The following DLGAP2 variants were observed in gnomAD, a reference collection of about 807,000 sequenced individuals.
DLGAP2 encodes disks large-associated protein 2.
Under a neutral mutation model 100.3 loss-of-function variants are expected in DLGAP2, and 26 were observed. The ratio of observed to expected loss-of-function variants is 0.26; its 90% CI spans 0.19 to 0.36. The LOEUF (loss-of-function observed/expected upper bound fraction) is 0.36, where lower values mean the gene tolerates loss of function less well. DLGAP2 is among the 10% of genes least tolerant of loss of function. The probability of loss-of-function intolerance (pLI) is 1.00; values close to 1 mark genes in which losing one functional copy is unlikely to be tolerated. For synonymous variants in DLGAP2, 886 were observed against 630.1 expected (o/e 1.41, Z -6.08); for missense variants, 1,858 against 1,453.2 (o/e 1.28, Z -4.53).
intron 2 of DLGAP2, among the ~76,000 whole-genome samples, chr8:1,143,907 T>C (rs1405302696): frequency 6.6e-6 from 1 of 152,186 alleles, no homozygotes; most frequent in African/African-American, 2.4e-5. Context: ...GCTAGCAACA[T>C]AACAGAGGAC....
At position 1,010,417 on chromosome 8, in the gene DLGAP2, CAT is replaced by C. The variant is rs373785051; in HGVS notation, c.73+102452_73+102453del. On this transcript the variant is annotated intron_variant, in intron 2 of 14. Coordinates refer to ENST00000637795, the MANE Select transcript of DLGAP2 (RefSeq NM_001346810.2). The stretch of plus-strand genomic sequence containing the variant: ...TCACAGTTTTATACACACATACACA[CAT>C]GTGCCCACATATGCACACACATACT... Among the ~76,000 whole-genome samples the C allele has an allele frequency of 6.0e-4, 91 of 152,334 alleles. 1 individual carries two copies. Among genetic ancestry groups the C allele is most frequent in the Middle Eastern group, 3.4e-3 (1 of 294 alleles).
chr8:1,660,630 C>T (rs1013705386), intron 8 of DLGAP2, among the ~76,000 whole-genome samples: 1 of 152,178 alleles, frequency 6.6e-6, no homozygotes, highest in African/African-American at 2.4e-5. Context: ...CGCTACAGGT[C>T]AGTTATTTCT....
At chr8:1,484,237 T>C (rs1799181904) in intron 3 of DLGAP2, among the ~76,000 whole-genome samples, 1 of 152,264 alleles carries the variant, frequency 6.6e-6, no homozygotes, top group Non-Finnish European at 1.5e-5. Context: ...GCCACAGCTC[T>C]CAGCTTTGCA....
chr8:1,341,585 C>G (rs1021398297), intron 3 of DLGAP2, among the ~76,000 whole-genome samples: 1 of 152,174 alleles, frequency 6.6e-6, no homozygotes, highest in African/African-American at 2.4e-5. Flanking sequence ...TGGCTGACCC[C>G]GTACAAAAGT....
chr8:1,079,833 C>T (rs182650585), intron 2 of DLGAP2, among the ~76,000 whole-genome samples: 16 of 152,342 alleles, frequency 1.1e-4, no homozygotes, highest in African/African-American at 3.8e-4. Context: ...GGGTCTGAAA[C>T]GTCAGTGAGG....
In DLGAP2 at chr8:1,541,865, A is replaced by G. The variant is rs575333518; in HGVS notation, c.173-6761A>G. On this transcript the variant is annotated intron_variant, in intron 4 of 14. Coordinates refer to ENST00000637795, the MANE Select transcript of DLGAP2 (RefSeq NM_001346810.2). ...TGAAGCGAGAACAGAAACGTGTACA[A>G]TGGAATGATGGAATGTCTACTGACT... Among the ~76,000 whole-genome samples the G allele has an allele frequency of 1.3e-4, 20 of 152,364 alleles. No homozygotes were observed. The East Asian group carries it at 3.5e-3, about 26-fold the overall frequency.
chr8:910,630 CT>C, intron 2 of DLGAP2: 1 of 152,254 alleles, frequency 6.6e-6, no homozygotes, highest in South Asian at 2.1e-4. Context: ...TTGGTGACCC[CT>C]GATTGGCCTT....
intron 2 of DLGAP2, among the ~76,000 whole-genome samples, chr8:965,811 C>T (rs565852703): frequency 6.7e-6 from 1 of 150,288 alleles, no homozygotes; most frequent in African/African-American, 2.4e-5. Context: ...CTGAGTCTGA[C>T]CCCTGCGCTG....
Position 1,695,454 on chromosome 8 carries a change from G to A in DLGAP2, c.2797-1693G>A, listed in dbSNP as rs1236881211. ...ATGTCCGGCCCTACAGAAAGAGGGG[G>A]CACAGCCATGCCTGGCACTACAGAA... On this transcript the variant is annotated intron_variant, in intron 13 of 14. Transcript: ENST00000637795. Among the ~76,000 whole-genome samples the A allele has an allele frequency of 7.8e-5, 11 of 141,268 alleles. 1 individual carries two copies. Among genetic ancestry groups the A allele is most frequent in the African/African-American group, 2.6e-4 (9 of 34,234 alleles). 92.7% of individuals were successfully genotyped at this position (141,268 alleles called of 152,430 possible).
chr8:1,428,408 CT>C (rs1453629744), intron 3 of DLGAP2, among the ~76,000 whole-genome samples: 1 of 152,116 alleles, frequency 6.6e-6, no homozygotes, highest in Non-Finnish European at 1.5e-5. Flanking sequence ...CTAGATCTCT[CT>C]TTCCTTGAGA....
chr8:985,759 T>C (rs951570382), intron 2 of DLGAP2, among the ~76,000 whole-genome samples: 3 of 152,192 alleles, frequency 2.0e-5, no homozygotes, highest in South Asian at 4.1e-4. Context: ...GTAACGCTTA[T>C]CTTTGGCCTT....
chr8:1,203,018 C>A (rs1344185252), intron 2 of DLGAP2, among the ~76,000 whole-genome samples: 1 of 152,336 alleles, frequency 6.6e-6, no homozygotes, highest in East Asian at 1.9e-4. Flanking sequence ...ACCACCCCAT[C>A]CATCTGCCGG....
At chr8:1,123,196 A>G (rs1796089915) in intron 2 of DLGAP2, among the ~76,000 whole-genome samples, 2 of 152,246 alleles carry the variant, frequency 1.3e-5, no homozygotes. Context: ...TTCCCCATTA[A>G]TCAACTTTTA....
chr8:904,729 GC>G (rs1798339418), intron 1 of DLGAP2, among the ~76,000 whole-genome samples: 1 of 152,180 alleles, frequency 6.6e-6, no homozygotes, highest in Non-Finnish European at 1.5e-5. Context: ...CGGGGTGACC[GC>G]TGAGTATATT....
chr8:848,407 TGCG>T (rs1797113098), intron 1 of DLGAP2, among the ~76,000 whole-genome samples: 7 of 108,972 alleles, frequency 6.4e-5, no homozygotes, highest in South Asian at 7.0e-4. Flanking sequence ...TGTAGGGTCG[TGCG>T]GTGCCTGTTC....
intron 2 of DLGAP2, among the ~76,000 whole-genome samples, chr8:1,089,944 T>G (rs1804116155): frequency 6.6e-6 from 1 of 152,206 alleles, no homozygotes. Flanking sequence ...TCCGTGACTT[T>G]ACTGGAAGAA....
intron 2 of DLGAP2, among the ~76,000 whole-genome samples, chr8:1,130,634 C>A (rs141388338): frequency 6.6e-6 from 1 of 152,344 alleles, no homozygotes; most frequent in South Asian, 2.1e-4. Context: ...GGCTGTAAAG[C>A]GTGGCACGGA....
chr8:1,046,736 G>C (rs1452519938), intron 2 of DLGAP2, among the ~76,000 whole-genome samples: 1 of 152,194 alleles, frequency 6.6e-6, no homozygotes, highest in Non-Finnish European at 1.5e-5. Context: ...TGCAAATATA[G>C]TATGATCTCT....
chr8:1,656,918 A>G (rs1798298409), intron 8 of DLGAP2, among the ~76,000 whole-genome samples: 1 of 152,152 alleles, frequency 6.6e-6, no homozygotes, highest in South Asian at 2.1e-4. Context: ...AACAAACAAA[A>G]TCCAAACCAA....
Sources: gnomAD v4.1 joint callset for allele counts (sites outside exome capture counted in the v4.1 genomes callset) on GRCh38, gnomAD v4.1.1 for gene constraint, MANE v1.5 for transcripts, NCBI Gene and HGNC (gene_info 2026-07-23, HGNC 2026-07-21) for gene names.